The following BRCA2 variants were observed in gnomAD, a reference collection of about 807,000 sequenced individuals.
BRCA2 encodes BRCA2 DNA repair associated, also known as breast cancer type 2 susceptibility protein.
In BRCA2, 203 loss-of-function variants were observed where a neutral mutation model predicts 276.7. That is an observed-to-expected ratio of 0.73 (90% CI 0.65 to 0.82). The LOEUF is 0.82. Ranked by LOEUF, BRCA2 falls within the 40% of genes least tolerant of loss-of-function variation. BRCA2 has a pLI of 0.00. For synonymous variants in BRCA2, 1,289 were observed against 1,338.4 expected (o/e 0.96, Z 0.81); for missense variants, 3,920 against 3,915.0 (o/e 1.00, Z -0.03).
In BRCA2 at chr13:32,337,521, C is replaced by CAA; in HGVS notation, c.3169_3170dup (p.Lys1058ArgfsTer3). ...TGTAAATACCTTGGCATTAGATAAT[C>CAA]AAAAGAAACTGAGCAAGCCTCAGTC... On this transcript the variant is annotated frameshift_variant, in exon 11 of 27. Transcript: ENST00000380152. LOFTEE classifies it high-confidence loss of function. 6.2e-7 allele frequency: 1 copy of CAA among 1,607,714 alleles called. No individual in the cohort carries two copies. Among genetic ancestry groups the CAA allele is most frequent in the Non-Finnish European group, 8.5e-7 (1 of 1,176,716 alleles).
chr13:32,326,838 T>C (rs1270224345), intron 7 of BRCA2, among the ~76,000 whole-genome samples: 2 of 152,252 alleles, frequency 1.3e-5, no homozygotes, highest in East Asian at 3.8e-4. Flanking sequence ...TTTAGTACGA[T>C]GTGATTAACG....
At chr13:32,326,193 A>AT in intron 5 of BRCA2, 43 bp downstream of exon 5, 1 of 1,608,400 alleles carries the variant, frequency 6.2e-7, no homozygotes. Context: ...AATACTAGAA[A>AT]TGTTAATAAA....
At chr13:32,345,014 G>T (rs370890261) in intron 12 of BRCA2, among the ~76,000 whole-genome samples, 11 of 152,032 alleles carry the variant, frequency 7.2e-5, no homozygotes, top group African/African-American at 2.4e-4. Context: ...TGCCATTACC[G>T]ATCAGAAAAG....
chr13:32,397,980 A>G (rs899160045), intron 26 of BRCA2, among the ~76,000 whole-genome samples, 182 bp from the exon 27 acceptor site: 1 of 152,064 alleles, frequency 6.6e-6, no homozygotes, highest in Non-Finnish European at 1.5e-5. Flanking sequence ...TTCTTATGTA[A>G]AATTACTTTC....
chr13:32,365,929 A>C (rs1026344429), intron 18 of BRCA2, among the ~76,000 whole-genome samples: 1 of 151,600 alleles, frequency 6.6e-6, no homozygotes, highest in Admixed American at 6.6e-5. Flanking sequence ...TATTGTTCCT[A>C]TAATTTTCTT....
intron 17 of BRCA2, among the ~76,000 whole-genome samples, 184 bp downstream of exon 17, chr13:32,362,877 C>T (rs1247945938): frequency 6.6e-6 from 1 of 152,074 alleles, no homozygotes; most frequent in Non-Finnish European, 1.5e-5. Context: ...TCATGCATTG[C>T]TTGCTTCCCT....
intron 4 of BRCA2, among the ~76,000 whole-genome samples, chr13:32,325,573 CT>C: frequency 7.2e-6 from 1 of 139,422 alleles, no homozygotes; most frequent in South Asian, 2.2e-4. Context: ...GAGATGGAGT[CT>C]CTGTCACCCA....
chr13:32,325,960 C>T, intron 4 of BRCA2, 141 bp from the exon 5 acceptor site: 1 of 766,076 alleles, frequency 1.3e-6, no homozygotes, highest in Non-Finnish European at 2.1e-6. Context: ...GAGAGATTTA[C>T]TTTTTAAAAT....
Position 32,332,651 on chromosome 13 carries a change from G to A in BRCA2, c.1173G>A (p.Leu391=), listed in dbSNP as rs532847894. 6.2e-7 allele frequency: 1 copy of A among 1,614,080 alleles called. No homozygotes were observed. The highest frequency in any genetic ancestry group is 8.5e-7 in the Non-Finnish European group (1 of 1,179,982). The change falls in exon 10 of 27, where the codon TTG becomes TTA. Residue 391 remains leucine (L), a synonymous_variant. Coordinates refer to ENST00000380152, the MANE Select transcript of BRCA2 (RefSeq NM_000059.4). ...DKISKEVVPS[L]ACEWSQLTLS... is the part of the protein sequence containing the mutation. ...TCTCCAAGGAAGTTGTACCGTCTTT[G>A]GCCTGTGAATGGTCTCAACTAACCC...
At chr13:32,361,760 T>C (rs776801375) in intron 16 of BRCA2, among the ~76,000 whole-genome samples, 1 of 151,990 alleles carries the variant, frequency 6.6e-6, no homozygotes, top group East Asian at 1.9e-4. Context: ...GGGTGGGAGC[T>C]TATGGAAGTT....
chr13:32,393,859 C>G (rs2137649848), intron 24 of BRCA2, among the ~76,000 whole-genome samples: 1 of 152,228 alleles, frequency 6.6e-6, no homozygotes, highest in Non-Finnish European at 1.5e-5. Flanking sequence ...GGAGTCAGAC[C>G]TGTACAAAAA....
At chr13:32,322,697 G>T (rs559488698) in intron 3 of BRCA2, among the ~76,000 whole-genome samples, 5 of 152,286 alleles carry the variant, frequency 3.3e-5, no homozygotes, top group African/African-American at 1.2e-4. Flanking sequence ...TTTGTTTATG[G>T]CCAGTTTTGG....
At chr13:32,326,814 G>A (rs1229017447) in intron 7 of BRCA2, among the ~76,000 whole-genome samples, 1 of 152,224 alleles carries the variant, frequency 6.6e-6, no homozygotes, top group Non-Finnish European at 1.5e-5. Context: ...GTCCAGTGGT[G>A]TCAAGCATTA....
chr13:32,346,343 T>A (rs1362755579), intron 12 of BRCA2, among the ~76,000 whole-genome samples: 1 of 152,078 alleles, frequency 6.6e-6, no homozygotes, highest in African/African-American at 2.4e-5. Context: ...TTAATGAGTA[T>A]ATAGAGATCG....
chr13:32,319,128 C>T lies in BRCA2; in HGVS notation c.119C>T (p.Pro40Leu), dbSNP rs756971498. Residue 40 changes from proline to leucine, a missense_variant, in exon 3 of 27, where the codon CCA becomes CTA. Pro to Leu is a moderately conservative substitution (Grantham distance 98, BLOSUM62 -3). Coordinates refer to ENST00000380152, the MANE Select transcript of BRCA2 (RefSeq NM_000059.4). ...TTTGAAGAACTTTCTTCAGAAGCTC[C>T]ACCCTATAATTCTGAACCTGCAGAA... ...NWFEELSSEAPPYNSEPAEES... is the reference protein window; with the variant it reads ...NWFEELSSEALPYNSEPAEES... 6.2e-7 allele frequency: 1 copy of T among 1,613,506 alleles called. No individual in the cohort carries two copies. The highest frequency in any genetic ancestry group is 8.5e-7 in the Non-Finnish European group (1 of 1,179,540).
intron 13 of BRCA2, among the ~76,000 whole-genome samples, chr13:32,353,437 A>G (rs1056366345): frequency 7.3e-5 from 11 of 151,380 alleles, no homozygotes; most frequent in Admixed American, 5.9e-4. Flanking sequence ...ACTCAGAACT[A>G]TTCCGTGGTG....
intron 3 of BRCA2, among the ~76,000 whole-genome samples, chr13:32,324,290 A>G (rs1452579142): frequency 6.6e-6 from 1 of 152,232 alleles, no homozygotes; most frequent in African/African-American, 2.4e-5. Context: ...GAGTTGTTCC[A>G]GGTCAAGAAA....
Position 32,368,818 on chromosome 13 carries a change from T to G in BRCA2, c.8332-1584T>G, listed in dbSNP as rs77815688. ...TTTTTGTTTTTTTTTTGGTTTTTTT[T>G]GTTTTTTTTTTAGATGGAGTCTTGC... On this transcript the variant is annotated intron_variant, in intron 18 of 26. Coordinates refer to ENST00000380152, the MANE Select transcript of BRCA2 (RefSeq NM_000059.4). Among the ~76,000 whole-genome samples, 57 of 138,484 alleles carry G rather than the reference T, an allele frequency of 4.1e-4. No individual in the cohort carries two copies. The East Asian group carries it at 9.7e-3, about 24-fold the overall frequency. 90.9% of individuals were successfully genotyped at this position (138,484 alleles called of 152,430 possible). A position where few individuals can be genotyped will look rare whatever the true frequency, so the allele number is the denominator to read the frequency against.
chr13:32,323,305 A>G (rs1185026572), intron 3 of BRCA2, among the ~76,000 whole-genome samples: 1 of 152,048 alleles, frequency 6.6e-6, no homozygotes, highest in Non-Finnish European at 1.5e-5. Context: ...GGCACCCGCC[A>G]CCACACCTGG....
Sources: gnomAD v4.1 joint callset for allele counts (sites outside exome capture counted in the v4.1 genomes callset) on GRCh38, gnomAD v4.1.1 for gene constraint, MANE v1.5 for transcripts, NCBI Gene and HGNC (gene_info 2026-07-23, HGNC 2026-07-21) for gene names.